The following LOXHD1 variants were observed in gnomAD, a reference collection of about 807,000 sequenced individuals.
LOXHD1 encodes lipoxygenase homology PLAT domains 1, also known as lipoxygenase homology domain-containing protein 1.
Under a neutral mutation model 248.2 loss-of-function variants are expected in LOXHD1, and 205 were observed. The observed-to-expected ratio is 0.83, with a 90% CI of 0.74 to 0.93. The LOEUF (loss-of-function observed/expected upper bound fraction) is 0.93, where lower values mean the gene tolerates loss of function less well. LOXHD1 is among the 40% of genes least tolerant of loss of function. The pLI is 0.00. For synonymous variants in LOXHD1, 1,113 were observed against 1,162.8 expected (o/e 0.96, Z 0.87); for missense variants, 2,930 against 2,971.6 (o/e 0.99, Z 0.33).
At chr18:46,613,228 G>A (rs913186915) in intron 5 of LOXHD1, among the ~76,000 whole-genome samples, 1 of 151,954 alleles carries the variant, frequency 6.6e-6, no homozygotes, top group African/African-American at 2.4e-5. Flanking sequence ...TCTCATCCAC[G>A]AACATATTTC....
chr18:46,619,558 C>T (rs2038639462), intron 4 of LOXHD1, among the ~76,000 whole-genome samples: 1 of 152,190 alleles, frequency 6.6e-6, no homozygotes, highest in African/African-American at 2.4e-5. Context: ...TGGGCATGTA[C>T]ATTACAGTCT....
At chr18:46,587,156 G>A (rs964770947) in intron 12 of LOXHD1, among the ~76,000 whole-genome samples, 6 of 152,146 alleles carry the variant, frequency 3.9e-5, no homozygotes, top group Admixed American at 6.5e-5. Flanking sequence ...TAATCAACTC[G>A]TTTAAAATTC....
In LOXHD1 at chr18:46,560,534, G is replaced by T; in HGVS notation, c.2610C>A (p.Ala870=). Residue 870 remains alanine (A), a synonymous_variant, in exon 19 of 41, where the codon GCC becomes GCA. Coordinates refer to ENST00000642948, the MANE Select transcript of LOXHD1 (RefSeq NM_001384474.1). ...GGAGCTTATAGACCTCGCCCACGTCGGCCGCCTCAAGCTGTTCAAAGGGCA... is the reference window on the plus strand; with the variant it reads ...GGAGCTTATAGACCTCGCCCACGTCTGCCGCCTCAAGCTGTTCAAAGGGCA... ...ASKDTFQLEA[A]DVGEVYKLRL... 1 of 1,530,634 alleles carries T rather than the reference G, an allele frequency of 6.5e-7. No individual in the cohort carries two copies. Among genetic ancestry groups the T allele is most frequent in the Non-Finnish European group, 8.7e-7 (1 of 1,142,890 alleles). 94.8% of individuals were successfully genotyped at this position (1,530,634 alleles called of 1,614,324 possible).
intron 7 of LOXHD1, 89 bp from the exon 8 acceptor site, chr18:46,601,556 C>T (rs1418716647): frequency 1.3e-6 from 2 of 1,523,658 alleles, no homozygotes; most frequent in South Asian, 1.2e-5. Flanking sequence ...TTACAACACC[C>T]CCAAAGCCCT....
intron 36 of LOXHD1, among the ~76,000 whole-genome samples, chr18:46,506,836 G>A (rs1241083352): frequency 1.3e-5 from 2 of 152,190 alleles, no homozygotes; most frequent in Non-Finnish European, 2.9e-5. Context: ...TATAATTAAT[G>A]TGATGAGCTT....
intron 1 of LOXHD1, among the ~76,000 whole-genome samples, chr18:46,651,480 A>G (rs1232355324): frequency 3.3e-5 from 5 of 152,112 alleles, no homozygotes; most frequent in Non-Finnish European, 5.9e-5. Flanking sequence ...CAGGATTTCC[A>G]GCCTGGTGGA....
chr18:46,652,725 G>A (rs939903866), intron 1 of LOXHD1, among the ~76,000 whole-genome samples: 1 of 152,232 alleles, frequency 6.6e-6, no homozygotes, highest in Admixed American at 6.5e-5. Flanking sequence ...TACCAGATTT[G>A]TAGTAGCTTG....
In LOXHD1 at chr18:46,560,161, G is replaced by A. The variant is rs1228094721; in HGVS notation, c.2983C>T (p.His995Tyr). ...EVIEQHKFEA[H>Y]RWLARGKEDN... ...TCCTTGCCCCGGGCCAGCCAGCGGT[G>A]GGCTTCGAACTTGTGCTGCTCAATC... Residue 995 changes from histidine (H) to tyrosine (Y), a missense_variant, in exon 19 of 41, where the codon CAC becomes TAC. Coordinates refer to ENST00000642948, the MANE Select transcript of LOXHD1 (RefSeq NM_001384474.1). 1.3e-6 allele frequency: 2 copies of A among 1,551,324 alleles called. No homozygotes were observed. Among genetic ancestry groups the A allele is most frequent in the African/African-American group, 1.4e-5 (1 of 73,018 alleles).
chr18:46,528,916 G>A lies in LOXHD1; in HGVS notation c.4530+261C>T, dbSNP rs183975747. The stretch of plus-strand genomic sequence containing the variant: ...CCAGCCCCATCCAGCCAACAACCTC[G>A]AGCTCCAGCAGGCCTCCTGCTTGTC... On this transcript the variant is annotated intron_variant, in intron 29 of 40. Coordinates refer to ENST00000642948, the MANE Select transcript of LOXHD1 (RefSeq NM_001384474.1). Among the ~76,000 whole-genome samples the A allele has an allele frequency of 2.8e-4, 42 of 152,134 alleles. No homozygotes were observed. The East Asian group carries it at 7.0e-3, about 25-fold the overall frequency.
chr18:46,572,889 G>C (rs533623465), intron 14 of LOXHD1, among the ~76,000 whole-genome samples: 2 of 152,008 alleles, frequency 1.3e-5, no homozygotes, highest in African/African-American at 4.8e-5. Context: ...CAGGTGTGGT[G>C]GTGGGCGCCT....
At chr18:46,533,035 G>T in intron 28 of LOXHD1, 127 bp downstream of exon 28, 1 of 999,592 alleles carries the variant, frequency 1.0e-6, no homozygotes, top group South Asian at 1.8e-5. Context: ...GCCCTCTCTA[G>T]AGAGTGGAGG....
At chr18:46,526,329 A>G (rs1386877297) in intron 29 of LOXHD1, among the ~76,000 whole-genome samples, 2 of 152,358 alleles carry the variant, frequency 1.3e-5, no homozygotes, top group East Asian at 1.9e-4. Context: ...TGCAGTGGCT[A>G]TAGAGAAGAG....
At chr18:46,495,099 C>A (rs9807212) in intron 37 of LOXHD1, among the ~76,000 whole-genome samples, 3 of 152,016 alleles carry the variant, frequency 2.0e-5, no homozygotes, top group African/African-American at 4.8e-5. Context: ...CGTGATCCAC[C>A]AGCCTCGGCC....
intron 40 of LOXHD1, among the ~76,000 whole-genome samples, chr18:46,483,355 C>T (rs554368444): frequency 6.6e-6 from 1 of 152,284 alleles, no homozygotes; most frequent in Admixed American, 6.5e-5. Context: ...ACTAGATGCA[C>T]CCCAGGTCAT....
intron 16 of LOXHD1, among the ~76,000 whole-genome samples, chr18:46,566,990 C>T (rs1426083574): frequency 2.6e-5 from 4 of 152,224 alleles, no homozygotes; most frequent in Admixed American, 2.6e-4. Flanking sequence ...AATTCCTCTG[C>T]TCACTCTTGG....
chr18:46,610,201 T>C (rs1346705202), intron 6 of LOXHD1, among the ~76,000 whole-genome samples: 1 of 152,164 alleles, frequency 6.6e-6, no homozygotes, highest in Non-Finnish European at 1.5e-5. Context: ...TAGGTTCAGA[T>C]GAAAGTACTG....
chr18:46,641,197 T>C (rs757820913), intron 3 of LOXHD1, among the ~76,000 whole-genome samples: 1 of 152,178 alleles, frequency 6.6e-6, no homozygotes, highest in Non-Finnish European at 1.5e-5. Flanking sequence ...GTTCGTGATA[T>C]TGTATTTTCT....
chr18:46,518,568 C>T (rs1297693380), intron 33 of LOXHD1, among the ~76,000 whole-genome samples: 3 of 152,242 alleles, frequency 2.0e-5, no homozygotes, highest in African/African-American at 4.8e-5. Context: ...ATGCCAGCAG[C>T]GCATGGTGGC....
intron 40 of LOXHD1, among the ~76,000 whole-genome samples, chr18:46,480,440 AT>A (rs1165168212): frequency 6.6e-6 from 1 of 152,170 alleles, no homozygotes; most frequent in Non-Finnish European, 1.5e-5. Context: ...TTCTCACTCA[AT>A]AATACTTCCT....
Sources: allele counts gnomAD v4.1 joint callset (sites outside exome capture counted in the v4.1 genomes callset), GRCh38; gene constraint gnomAD v4.1.1; transcripts MANE v1.5; gene names NCBI Gene and HGNC (gene_info 2026-07-23, HGNC 2026-07-21).